DIABLO: variants seen among roughly 807,000 people sequenced by gnomAD.
DIABLO encodes the protein diablo IAP-binding mitochondrial protein.
A neutral mutation model predicts 31.7 loss-of-function variants in DIABLO; 32 were observed. The observed-to-expected ratio is 1.01, with a 90% CI of 0.76 to 1.35. The LOEUF (loss-of-function observed/expected upper bound fraction) is 1.35, where lower values mean the gene tolerates loss of function less well. Among genes scored for constraint, DIABLO ranks in the 40% most tolerant of loss-of-function variants. DIABLO has a pLI of 0.00. For missense variants in DIABLO, 316 were observed against 286.4 expected (o/e 1.10, Z -0.75); for synonymous variants, 132 against 103.2 (o/e 1.28, Z -1.69).
chr12:122,212,296 C>CTTGT (rs1279725170), intron 5 of DIABLO, among the ~76,000 whole-genome samples: 1 of 152,134 alleles, frequency 6.6e-6, no homozygotes, highest in Admixed American at 6.6e-5. Context: ...AATTTAAAAA[C>CTTGT]TTGTTTTACA....
At chr12:122,209,602 T>C (rs1593166776) in intron 5 of DIABLO, 3 of 590,182 alleles carry the variant, frequency 5.1e-6, no homozygotes, top group Middle Eastern at 2.6e-4. Context: ...GAGGCGGAGG[T>C]TGCAGTGAGC....
chr12:122,217,294 C>A, intron 3 of DIABLO: 1 of 215,744 alleles, frequency 4.6e-6, no homozygotes, highest in East Asian at 1.3e-4. Flanking sequence ...ACGTGGATCA[C>A]CTGAAGTCAG....
At chr12:122,209,069 T>A (rs1448741546) in intron 5 of DIABLO, 4 of 284,680 alleles carry the variant, frequency 1.4e-5, no homozygotes, top group Non-Finnish European at 2.7e-5. Flanking sequence ...CACTTAAACA[T>A]GTTTTGAAGG....
upstream of DIABLO, chr12:122,227,234 CAGTA>C (rs1342901454): frequency 2.6e-6 from 1 of 381,952 alleles, no homozygotes; most frequent in Non-Finnish European, 5.3e-6. Flanking sequence ...CGACATCAGA[CAGTA>C]AGAACCCCAC....
intron 5 of DIABLO, among the ~76,000 whole-genome samples, chr12:122,214,941 G>C (rs1356680010): frequency 6.6e-6 from 1 of 152,128 alleles, no homozygotes; most frequent in Non-Finnish European, 1.5e-5. Context: ...CCCACCTCAA[G>C]TGATCCGCCC....
chr12:122,218,089 C>T (rs1168425263), intron 3 of DIABLO, among the ~76,000 whole-genome samples, 177 bp downstream of exon 3: 2 of 152,034 alleles, frequency 1.3e-5, no homozygotes, highest in African/African-American at 4.8e-5. Flanking sequence ...CTTTGTGGGC[C>T]TTACAGCCTC....
At chr12:122,220,043 A>C (rs1239081331) in intron 2 of DIABLO, among the ~76,000 whole-genome samples, 1 of 146,552 alleles carries the variant, frequency 6.8e-6, no homozygotes, top group Non-Finnish European at 1.5e-5. Flanking sequence ...TCCTGGGTTC[A>C]AGCGATTCTC....
intron 5 of DIABLO, chr12:122,209,872 C>A: frequency 7.2e-6 from 5 of 697,124 alleles, no homozygotes; most frequent in Non-Finnish European, 1.3e-5. Context: ...AAAGTCCACA[C>A]AATTAAGTAG....
chr12:122,226,628 G>A (rs1307222453), upstream of DIABLO: 2 of 673,568 alleles, frequency 3.0e-6, no homozygotes, highest in Admixed American at 4.3e-5. Flanking sequence ...CCAGAGGGGC[G>A]GACGGGAACA....
chr12:122,221,921 A>C (rs1954342323), intron 2 of DIABLO: 1 of 152,226 alleles, frequency 6.6e-6, no homozygotes, highest in Non-Finnish European at 1.5e-5. Flanking sequence ...AGGGCTATGG[A>C]TTCATCAGCA....
In DIABLO at chr12:122,218,332, A is replaced by G. The variant is rs773828186; in HGVS notation, c.249T>C (p.Asp83=). The G allele has an allele frequency of 7.4e-6, 12 of 1,614,166 alleles. No individual in the cohort carries two copies. Among genetic ancestry groups the G allele is most frequent in the African/African-American group, 1.3e-5 (1 of 75,060 alleles). ...LMRRAVSLVT[D]STSTFLSQTT... is the part of the protein sequence containing the mutation. ...TCTGAGAGAGAAAGGTAGAGGTGCT[A>G]TCTGTTACCAAAGACACTGCTCTCC... is the stretch of plus-strand genomic sequence containing the variant. The change falls in exon 3 of 6, where the codon GAT becomes GAC. Residue 83 remains aspartate (D), a synonymous_variant. Transcript: ENST00000464942.
intron 5 of DIABLO, among the ~76,000 whole-genome samples, chr12:122,214,268 C>T (rs1334983255): frequency 6.6e-6 from 1 of 152,120 alleles, no homozygotes; most frequent in Non-Finnish European, 1.5e-5. Context: ...GCAACCTCTG[C>T]CTCCCAGGCT....
chr12:122,215,772 C>T (rs1253022916), intron 5 of DIABLO, among the ~76,000 whole-genome samples: 12 of 150,800 alleles, frequency 8.0e-5, no homozygotes, highest in Non-Finnish European at 1.3e-4. Context: ...CTCCGTGGCT[C>T]ATGCCTATAA....
At chr12:122,221,764 T>C (rs1265554401) in intron 2 of DIABLO, 1 of 152,102 alleles carries the variant, frequency 6.6e-6, no homozygotes, top group Non-Finnish European at 1.5e-5. Context: ...ACCCCAGTCA[T>C]GTGGCCCAGA....
chr12:122,215,280 C>CA (rs112216922), intron 5 of DIABLO, among the ~76,000 whole-genome samples: 3,095 of 141,270 alleles, frequency 0.022, 96 homozygotes, highest in African/African-American at 0.068. Flanking sequence ...AACTCTGTCT[C>CA]AAAAAAAAAA....
rs146835516 is a variant in DIABLO at position 122,215,977 on chromosome 12, C to T, written c.523+511G>A. Among the ~76,000 whole-genome samples the T allele has an allele frequency of 3.3e-5, 5 of 151,954 alleles. No individual in the cohort carries two copies. In the East Asian group the frequency reaches 7.7e-4, roughly 23 times the overall value. On this transcript the variant is annotated intron_variant, in intron 5 of 5. Coordinates refer to ENST00000464942, the MANE Select transcript of DIABLO (RefSeq NM_001371333.1). ...TGTCATCTTAGCCGAATGATCTGGCCCATCTGCCCTCTAGTTTCTTCACAT... is the reference window on the plus strand; with the variant it reads ...TGTCATCTTAGCCGAATGATCTGGCTCATCTGCCCTCTAGTTTCTTCACAT...
intron 2 of DIABLO, among the ~76,000 whole-genome samples, chr12:122,219,849 A>T (rs1954296103): frequency 6.7e-6 from 1 of 149,604 alleles, no homozygotes; most frequent in Non-Finnish European, 1.5e-5. Context: ...TGGGCGACAG[A>T]GCAAGACTCT....
At chr12:122,215,882 GGAAAA>G (rs1440932461) in intron 5 of DIABLO, among the ~76,000 whole-genome samples, 17 of 20,932 alleles carry the variant, frequency 8.1e-4, no homozygotes, top group South Asian at 3.1e-3. Flanking sequence ...ATTTTATGAA[GGAAAA>G]AAAAAAAAAA....
At chr12:122,217,856 C>T (rs1954249673) in intron 3 of DIABLO, 1 of 224,936 alleles carries the variant, frequency 4.4e-6, no homozygotes, top group Non-Finnish European at 8.9e-6. Context: ...AGATCAGTGG[C>T]TTTTAAATAA....
Sources: allele counts gnomAD v4.1 joint callset (sites outside exome capture counted in the v4.1 genomes callset), GRCh38; gene constraint gnomAD v4.1.1; transcripts MANE v1.5; gene names NCBI Gene and HGNC (gene_info 2026-07-23, HGNC 2026-07-21).